Variants in PDE8B observed in about 807,000 individuals in gnomAD.
PDE8B encodes phosphodiesterase 8B.
A neutral mutation model predicts 101.3 loss-of-function variants in PDE8B; 26 were observed. The observed-to-expected ratio is 0.26, with a 90% confidence interval of 0.19 to 0.36. The LOEUF (loss-of-function observed/expected upper bound fraction) is 0.36. Among genes scored for constraint, PDE8B ranks in the 10% least tolerant of loss-of-function variants. PDE8B has a pLI of 1.00. For missense variants in PDE8B, 810 were observed against 1,163.1 expected, an observed-to-expected ratio of 0.70 and a Z score of 4.42; for synonymous variants, 424 against 429.3, an observed-to-expected ratio of 0.99 and a Z score of 0.15.
the PDE8B span, chr5:77,098,801 G>A: frequency 6.6e-6 from 1 of 152,210 alleles, no homozygotes; most frequent in East Asian, 1.9e-4. Flanking sequence ...AAGAAAGAAT[G>A]AGAGAGGGAG....
At chr5:77,334,131 C>T (rs1185207334) in intron 5 of PDE8B, among the ~76,000 whole-genome samples, 1 of 152,254 alleles carries the variant, frequency 6.6e-6, no homozygotes, top group Non-Finnish European at 1.5e-5. Context: ...TTCCCAAGCA[C>T]CTTTTCAAAT....
chr5:77,400,253 C>G lies in PDE8B; in HGVS notation c.1173C>G (p.His391Gln). The G allele has an allele frequency of 6.2e-7, 1 of 1,600,732 alleles. No individual in the cohort carries two copies. The highest frequency in any genetic ancestry group is 8.6e-7 in the Non-Finnish European group (1 of 1,167,858). Residue 391 changes from histidine to glutamine, a missense_variant, in exon 11 of 22, where the codon CAC (histidine) becomes CAG (glutamine). Around this residue, in one of 4 missense-constraint regions of PDE8B, gnomAD observed 75 missense variants for 76.9 expected, o/e 0.98. Coordinates refer to ENST00000264917, the MANE Select transcript of PDE8B (RefSeq NM_003719.5). ...CCTTDNNKQIHKIHRDSGDNS... is the reference protein window; with the variant it reads ...CCTTDNNKQIQKIHRDSGDNS... ...AAACTTTTGAACGACTTTAGATTCACAAGATTCATCGTGATTCAGGAGACA... is the reference window on the plus strand; with the variant it reads ...AAACTTTTGAACGACTTTAGATTCAGAAGATTCATCGTGATTCAGGAGACA...
intron 1 of PDE8B, among the ~76,000 whole-genome samples, chr5:77,219,081 G>T (rs1047807781): frequency 6.6e-6 from 1 of 152,180 alleles, no homozygotes; most frequent in African/African-American, 2.4e-5. Context: ...TGGGTTCCAT[G>T]ACTGTTGAGC....
At chr5:77,263,149 A>G (rs1033526295) in intron 1 of PDE8B, among the ~76,000 whole-genome samples, 6 of 152,242 alleles carry the variant, frequency 3.9e-5, no homozygotes, top group Admixed American at 1.3e-4. Context: ...AGTGGATCAT[A>G]CAGAGGCCAC....
intron 17 of PDE8B, among the ~76,000 whole-genome samples, chr5:77,417,258 T>C (rs1329705067): frequency 3.9e-5 from 6 of 152,200 alleles, no homozygotes; most frequent in Admixed American, 3.9e-4. Flanking sequence ...AAAAAATACA[T>C]TGGACAGTGC....
At chr5:77,267,946 A>G (rs16874127) in intron 1 of PDE8B, among the ~76,000 whole-genome samples, 10,450 of 152,220 alleles carry the variant, frequency 0.069, 418 homozygotes, top group African/African-American at 0.099. Context: ...AGCACATACC[A>G]ATGAACAGAT....
chr5:77,376,185 A>T (rs1356362497), intron 10 of PDE8B, among the ~76,000 whole-genome samples: 1 of 152,190 alleles, frequency 6.6e-6, no homozygotes, highest in East Asian at 1.9e-4. Flanking sequence ...CCGTCCTCAG[A>T]TGGGCTACCT....
At chr5:77,393,219 C>A (rs1790312853) in intron 10 of PDE8B, among the ~76,000 whole-genome samples, 4 of 152,050 alleles carry the variant, frequency 2.6e-5, no homozygotes, top group Admixed American at 2.6e-4. Flanking sequence ...CATGGGAAAA[C>A]CCTGTCTCTA....
At position 77,339,023 on chromosome 5, in the gene PDE8B, A is replaced by G. The variant is rs369137638; in HGVS notation, c.797+1708A>G. ...GCACCTTGTCCATGATGAGCAGGGCAAAAGCAGGCCTGGAAATTTGAAATA... is the reference window on the plus strand; with the variant it reads ...GCACCTTGTCCATGATGAGCAGGGCGAAAGCAGGCCTGGAAATTTGAAATA... On this transcript the variant is annotated intron_variant, in intron 6 of 21. Coordinates refer to ENST00000264917, the MANE Select transcript of PDE8B (RefSeq NM_003719.5). Among the ~76,000 whole-genome samples, 205 of 152,334 alleles carry G rather than the reference A, an allele frequency of 1.3e-3. 1 individual carries two copies. The highest frequency in any genetic ancestry group is 2.3e-3 in the Non-Finnish European group (159 of 68,032).
In PDE8B at chr5:77,413,157, T is replaced by G. The variant is rs150409277; in HGVS notation, c.1759T>G (p.Cys587Gly). ...AAAGGTCTTCTCTCGGTTTGGAGTA[T>G]GTGAATTTTTAAACTGTTCTGAAAC... ...GLKVFSRFGV[C>G]EFLNCSETTL... Residue 587 changes from cysteine (C) to glycine (G), a missense_variant, in exon 17 of 22, where the codon TGT becomes GGT. By Grantham distance (159) the Cys-to-Gly change is radical. This residue lies in a region of PDE8B where 325 missense variants were observed against 560.9 expected (regional missense o/e 0.58). Coordinates refer to ENST00000264917, the MANE Select transcript of PDE8B (RefSeq NM_003719.5). 1.2e-6 allele frequency: 2 copies of G among 1,613,994 alleles called. No homozygotes were observed. The highest frequency in any genetic ancestry group is 2.7e-5 in the African/African-American group (2 of 74,894).
At chr5:77,344,506 T>C (rs1474655073) in intron 6 of PDE8B, among the ~76,000 whole-genome samples, 1 of 152,216 alleles carries the variant, frequency 6.6e-6, no homozygotes, top group African/African-American at 2.4e-5. Flanking sequence ...AGGTTCTGTG[T>C]CTGGTGAGGG....
At chr5:77,245,262 G>T (rs1756619909) in intron 1 of PDE8B, among the ~76,000 whole-genome samples, 1 of 152,148 alleles carries the variant, frequency 6.6e-6, no homozygotes, top group South Asian at 2.1e-4. Context: ...TGTTATACAA[G>T]CTAACAATGG....
At chr5:77,138,134 A>C in the PDE8B span, among the ~76,000 whole-genome samples, 1 of 152,190 alleles carries the variant, frequency 6.6e-6, no homozygotes, top group African/African-American at 2.4e-5. Context: ...TAGTAATACA[A>C]GTCCAAGGGC....
intron 1 of PDE8B, among the ~76,000 whole-genome samples, chr5:77,280,341 C>T (rs1468391330): frequency 2.0e-5 from 3 of 152,186 alleles, no homozygotes; most frequent in Non-Finnish European, 4.4e-5. Flanking sequence ...TGTCTCCTCC[C>T]TGTCCTCCTG....
At chr5:77,154,825 G>A in the PDE8B span, among the ~76,000 whole-genome samples, 2 of 152,176 alleles carry the variant, frequency 1.3e-5, no homozygotes, top group Admixed American at 6.5e-5. Flanking sequence ...CACCCTATGC[G>A]ACAGAAACAT....
At chr5:77,257,985 A>G (rs1478916824) in intron 1 of PDE8B, among the ~76,000 whole-genome samples, 2 of 152,150 alleles carry the variant, frequency 1.3e-5, no homozygotes, top group South Asian at 2.1e-4. Context: ...AAAGAGCTTG[A>G]GTGTTTAGAG....
At chr5:77,273,619 G>A (rs887856567) in intron 1 of PDE8B, among the ~76,000 whole-genome samples, 14 of 152,168 alleles carry the variant, frequency 9.2e-5, no homozygotes, top group Non-Finnish European at 1.9e-4. Flanking sequence ...GGGGACAGGA[G>A]TACAGGATAA....
the PDE8B span, among the ~76,000 whole-genome samples, chr5:77,196,685 T>A: frequency 6.6e-6 from 1 of 152,202 alleles, no homozygotes; most frequent in South Asian, 2.1e-4. Flanking sequence ...TCTTTGGTAT[T>A]TGGATAATGA....
intron 1 of PDE8B, chr5:77,290,653 C>T: frequency 3.3e-6 from 5 of 1,508,550 alleles, no homozygotes; most frequent in Non-Finnish European, 4.6e-6. Context: ...TGTGACTATG[C>T]TGTTGGTTTA....
Sources: gnomAD v4.1 joint callset for allele counts (sites outside exome capture counted in the v4.1 genomes callset) on GRCh38, gnomAD v4.1.1 for gene constraint, gnomAD v4.1.1 regional missense constraint, MANE v1.5 for transcripts, NCBI Gene and HGNC (gene_info 2026-07-23, HGNC 2026-07-21) for gene names.